EPHA3: variants seen among roughly 807,000 people sequenced by gnomAD.
The protein encoded by EPHA3 is ephrin type-A receptor 3.
A neutral mutation model predicts 107.1 loss-of-function variants in EPHA3; 42 were observed. The ratio of observed to expected loss-of-function variants is 0.39; its 90% CI spans 0.31 to 0.51. EPHA3 has a LOEUF of 0.51. Ranked by LOEUF, EPHA3 falls within the 20% of genes least tolerant of loss-of-function variation. The probability of loss-of-function intolerance (pLI) is 0.78; values close to 1 mark genes in which losing one functional copy is unlikely to be tolerated. For synonymous variants in EPHA3, 461 were observed against 424.8 expected (o/e 1.09, Z -1.05); for missense variants, 1,183 against 1,211.2 (o/e 0.98, Z 0.35).
Position 89,450,336 on chromosome 3 carries a change from G to T in EPHA3, c.2656G>T (p.Gly886Cys), listed in dbSNP as rs373736475. 3.3e-5 allele frequency: 53 copies of T among 1,613,382 alleles called. No homozygotes were observed. Among genetic ancestry groups the T allele is most frequent in the Non-Finnish European group, 4.2e-5 (50 of 1,179,736 alleles). The change falls in exon 15 of 17, where the codon GGC (glycine) becomes TGC (cysteine). Residue 886 changes from glycine to cysteine, a missense_variant. Coordinates refer to ENST00000336596, the MANE Select transcript of EPHA3 (RefSeq NM_005233.6). ...TCTGGACAAGCTTATCCGGAATCCC[G>T]GCAGCCTGAAGATCATCACCAGTGC... ...SILDKLIRNPGSLKIITSAAA... is the reference protein window; with the variant it reads ...SILDKLIRNPCSLKIITSAAA...
chr3:89,292,647 C>G (rs73846130), intron 3 of EPHA3, among the ~76,000 whole-genome samples: 5,203 of 152,154 alleles, frequency 0.034, 302 homozygotes, highest in African/African-American at 0.12. Context: ...CTATAGAAAG[C>G]ATTAGCATAT....
chr3:89,360,754 A>T (rs1279858324), intron 5 of EPHA3, among the ~76,000 whole-genome samples: 1 of 151,012 alleles, frequency 6.6e-6, no homozygotes, highest in Non-Finnish European at 1.5e-5. Flanking sequence ...AACTATACTC[A>T]TGTTTATTAT....
intron 5 of EPHA3, among the ~76,000 whole-genome samples, chr3:89,359,272 A>G (rs1708034831): frequency 6.6e-6 from 1 of 150,984 alleles, no homozygotes; most frequent in African/African-American, 2.4e-5. Context: ...CATAATAGTA[A>G]GTCAGGTTTT....
intron 2 of EPHA3, among the ~76,000 whole-genome samples, chr3:89,139,290 A>G (rs975400799): frequency 1.3e-5 from 2 of 151,860 alleles, no homozygotes; most frequent in African/African-American, 4.8e-5. Flanking sequence ...TGATAGCCGC[A>G]CACTTCATAG....
chr3:89,389,100 G>A (rs1349545999), intron 5 of EPHA3, among the ~76,000 whole-genome samples: 2 of 152,136 alleles, frequency 1.3e-5, no homozygotes, highest in African/African-American at 2.4e-5. Context: ...CTATAACTCT[G>A]AGATTTTGAA....
intron 3 of EPHA3, among the ~76,000 whole-genome samples, chr3:89,213,731 T>C (rs1172869408): frequency 6.6e-6 from 1 of 151,996 alleles, no homozygotes; most frequent in African/African-American, 2.4e-5. Flanking sequence ...ACAATTTTTG[T>C]AGATGCTGAA....
chr3:89,122,350 A>G (rs570732843), intron 1 of EPHA3, among the ~76,000 whole-genome samples: 2 of 152,326 alleles, frequency 1.3e-5, no homozygotes, highest in Admixed American at 6.5e-5. Flanking sequence ...AAAGTCCCTT[A>G]TAACTGAAGG....
chr3:89,199,615 C>T (rs1705922957), intron 2 of EPHA3, among the ~76,000 whole-genome samples: 1 of 152,094 alleles, frequency 6.6e-6, no homozygotes, highest in Admixed American at 6.6e-5. Context: ...TTTATTTCCA[C>T]CCCACCATAT....
chr3:89,208,895 G>T (rs1706194055), intron 2 of EPHA3, among the ~76,000 whole-genome samples: 1 of 152,116 alleles, frequency 6.6e-6, no homozygotes, highest in East Asian at 1.9e-4. Flanking sequence ...AAAAGATGTA[G>T]TTTCCTGCAA....
intron 2 of EPHA3, among the ~76,000 whole-genome samples, chr3:89,158,029 G>A (rs1480503458): frequency 6.6e-6 from 1 of 151,968 alleles, no homozygotes; most frequent in Non-Finnish European, 1.5e-5. Context: ...TTGCTTGTTT[G>A]TGTTTTTAAC....
chr3:89,391,282 T>G (rs1708725180), intron 5 of EPHA3, among the ~76,000 whole-genome samples: 1 of 152,096 alleles, frequency 6.6e-6, no homozygotes, highest in African/African-American at 2.4e-5. Context: ...AGTACCGCTG[T>G]GTAAGTCCGG....
At chr3:89,118,135 C>T (rs927044587) in intron 1 of EPHA3, among the ~76,000 whole-genome samples, 6 of 151,922 alleles carry the variant, frequency 3.9e-5, no homozygotes, top group Non-Finnish European at 7.4e-5. Flanking sequence ...CATTTACATT[C>T]GATAACTCAA....
chr3:89,378,400 A>C (rs1318345850), intron 5 of EPHA3, among the ~76,000 whole-genome samples: 1 of 152,138 alleles, frequency 6.6e-6, no homozygotes, highest in East Asian at 1.9e-4. Context: ...TGATTTTACA[A>C]CTAACTAATA....
intron 3 of EPHA3, among the ~76,000 whole-genome samples, chr3:89,307,646 T>C (rs1159052171): frequency 6.6e-6 from 1 of 152,084 alleles, no homozygotes; most frequent in Admixed American, 6.6e-5. Flanking sequence ...CACTGCAGCC[T>C]CAACATCCCA....
At chr3:89,134,572 A>G (rs1481607642) in intron 2 of EPHA3, among the ~76,000 whole-genome samples, 4 of 152,126 alleles carry the variant, frequency 2.6e-5, no homozygotes, top group Non-Finnish European at 5.9e-5. Context: ...GCTGCATAGT[A>G]TTCCATGGTG....
chr3:89,223,677 A>T (rs1379599231), intron 3 of EPHA3, among the ~76,000 whole-genome samples: 1 of 152,204 alleles, frequency 6.6e-6, no homozygotes, highest in Non-Finnish European at 1.5e-5. Flanking sequence ...TTAGCATAAA[A>T]TGATGGCGTG....
chr3:89,173,281 G>A lies in EPHA3; in HGVS notation c.154-36579G>A, dbSNP rs370861644. On this transcript the variant is annotated intron_variant, in intron 2 of 16. Transcript: ENST00000336596. ...GTTTTTTGTCAGAGGTATTCTATAC[G>A]CATAAATTAAATGTCCAAATTTAAT... Among the ~76,000 whole-genome samples the A allele has an allele frequency of 4.6e-4, 70 of 151,856 alleles. No individual in the cohort carries two copies. In the South Asian group the frequency reaches 0.011, roughly 24 times the overall value.
intron 5 of EPHA3, among the ~76,000 whole-genome samples, chr3:89,393,147 A>G (rs1264127931): frequency 1.3e-5 from 2 of 152,312 alleles, no homozygotes; most frequent in South Asian, 2.1e-4. Flanking sequence ...AGCAGAACAA[A>G]TGACTTATTA....
At position 89,175,775 on chromosome 3, in the gene EPHA3, T is replaced by A. The variant is rs150144289; in HGVS notation, c.154-34085T>A. ...TTCCTTTTGGTTTCTGAACCATGCC[T>A]GCGATTCTATTCTGGTTCTCTTATA... On this transcript the variant is annotated intron_variant, in intron 2 of 16. Coordinates refer to ENST00000336596, the MANE Select transcript of EPHA3 (RefSeq NM_005233.6). Among the ~76,000 whole-genome samples the A allele has an allele frequency of 9.9e-5, 15 of 152,270 alleles. No individual in the cohort carries two copies. The East Asian group carries it at 2.9e-3, about 29-fold the overall frequency.
Sources: allele counts gnomAD v4.1 joint callset (sites outside exome capture counted in the v4.1 genomes callset), GRCh38; gene constraint gnomAD v4.1.1; transcripts MANE v1.5; gene names NCBI Gene and HGNC (gene_info 2026-07-23, HGNC 2026-07-21).